Variants in PITPNM1 observed in about 807,000 individuals in gnomAD.
PITPNM1 encodes membrane-associated phosphatidylinositol transfer protein 1.
In PITPNM1, 74 loss-of-function variants were observed where a neutral mutation model predicts 133.3. The observed-to-expected ratio is 0.56, with a 90% confidence interval of 0.46 to 0.67. PITPNM1 has a LOEUF of 0.67. PITPNM1 is among the 30% of genes least tolerant of loss of function. The pLI is 0.00. For missense variants in PITPNM1, 1,398 were observed against 1,739.5 expected, an observed-to-expected ratio of 0.80 and a Z score of 3.49; for synonymous variants, 738 against 741.4, an observed-to-expected ratio of 1.00 and a Z score of 0.08.
chr11:67,492,688 A>T, intron 23 of PITPNM1, among the ~76,000 whole-genome samples: 1 of 152,242 alleles, frequency 6.6e-6, no homozygotes, highest in East Asian at 1.9e-4. Flanking sequence ...CACAGTGGAA[A>T]GCCATGGCCG....
Position 67,504,004 on chromosome 11 carries a change from C to T in PITPNM1, c.78+99G>A. On this transcript the variant is annotated intron_variant, in intron 2 of 23. Coordinates refer to ENST00000356404, the MANE Select transcript of PITPNM1 (RefSeq NM_004910.3). The surrounding 1 kb of genome is among the most constrained non-coding windows in gnomAD (Gnocchi z 5.4). ...ACATCTGAAGGGGGGCCTCTCTTGCCTCCTCCGGGCTCCCAGCCGGTCCCA... is the reference window on the plus strand; with the variant it reads ...ACATCTGAAGGGGGGCCTCTCTTGCTTCCTCCGGGCTCCCAGCCGGTCCCA... 1 of 862,674 alleles carries T rather than the reference C, an allele frequency of 1.2e-6. No individual in the cohort carries two copies. Among genetic ancestry groups the T allele is most frequent in the Non-Finnish European group, 1.8e-6 (1 of 568,828 alleles). 53.4% of individuals were successfully genotyped at this position (862,674 alleles called of 1,614,324 possible).
chr11:67,495,377 CGGAGGT>C (rs999776270), intron 16 of PITPNM1, 55 bp downstream of exon 16: 7 of 1,457,206 alleles, frequency 4.8e-6, no homozygotes, highest in Non-Finnish European at 1.8e-6. Context: ...AGCTGGGCTT[CGGAGGT>C]GGAATACGGG....
rs756082343 is a variant in PITPNM1 at position 67,493,905 on chromosome 11, C to T, written c.3008+17G>A. 2.0e-6 allele frequency: 3 copies of T among 1,531,698 alleles called. No individual in the cohort carries two copies. Among genetic ancestry groups the T allele is most frequent in the African/African-American group, 1.4e-5 (1 of 72,992 alleles). The allele number at this position is 1,531,698 out of a possible 1,614,324, so 94.9% of individuals were successfully genotyped here. ...CTGGCGGAGCCCTCCCGCAGAGGCC[C>T]GGCCAGCCGCGCTCACCTGACCACC... On this transcript the variant is annotated intron_variant, in intron 20 of 23. Transcript: ENST00000356404.
rs1399367432 is a variant in PITPNM1, at chr11:67,502,099, G to C, written c.416-13C>G. 1.2e-6 allele frequency: 2 copies of C among 1,607,238 alleles called. No homozygotes were observed. The highest frequency in any genetic ancestry group is 1.7e-6 in the Non-Finnish European group (2 of 1,176,236). On this transcript the variant is annotated splice_polypyrimidine_tract_variant and intron_variant, in intron 4 of 23. Transcript: ENST00000356404. The surrounding 1 kb of genome is among the most constrained non-coding windows in gnomAD (Gnocchi z 5.9). ...ATGTCGATGGTGTCTGAGGGAGTTC[G>C]GCAAGCATTGAGCAGCGCCAGCCCC...
intron 2 of PITPNM1, chr11:67,503,895 G>T (rs2134335639): frequency 2.0e-6 from 1 of 499,236 alleles, no homozygotes; most frequent in Non-Finnish European, 3.6e-6. Context: ...GATTACAGGA[G>T]ATCAGAGGAG....
intron 12 of PITPNM1, 80 bp from the exon 13 acceptor site, chr11:67,497,759 C>T: frequency 6.4e-7 from 1 of 1,571,016 alleles, no homozygotes; most frequent in Non-Finnish European, 8.7e-7. Flanking sequence ...AGGAGCGAGG[C>T]TTGGGGGTTG....
chr11:67,498,882 C>G lies in PITPNM1; in HGVS notation c.1234-36G>C. The G allele has an allele frequency of 1.2e-6, 2 of 1,610,020 alleles. No individual in the cohort carries two copies. The highest frequency in any genetic ancestry group is 1.7e-4 in the Middle Eastern group (1 of 6,046). On this transcript the variant is annotated intron_variant, in intron 9 of 23. Coordinates refer to ENST00000356404, the MANE Select transcript of PITPNM1 (RefSeq NM_004910.3). This position sits in a 1 kb window ranked among gnomAD's most constrained non-coding sequence, Gnocchi z 5.7. The stretch of plus-strand genomic sequence containing the variant: ...CAATGGGGTGCAGTGGGTGTCACAG[C>G]AGTGGCCGGGCCAGTGAGTAGGGGG...
Position 67,498,329 on chromosome 11 carries a change from G to C in PITPNM1, c.1485-7C>G, listed in dbSNP as rs370713668. 4.0e-5 allele frequency: 62 copies of C among 1,557,282 alleles called. No homozygotes were observed. Among genetic ancestry groups the C allele is most frequent in the Non-Finnish European group, 5.0e-5 (58 of 1,150,670 alleles). On this transcript the variant is annotated splice_region_variant and splice_polypyrimidine_tract_variant and intron_variant, in intron 10 of 23. Transcript: ENST00000356404. This position sits in a 1 kb window ranked among gnomAD's most constrained non-coding sequence, Gnocchi z 5.7. ...GTGGCTGTAAGGGCTCAGGCTGTAG[G>C]AGGGGGAAATGTGCGTGGGTGAGGG...
At chr11:67,499,182 G>T (rs111726095) in intron 8 of PITPNM1, among the ~76,000 whole-genome samples, 181 bp from the exon 9 acceptor site, 1,790 of 152,150 alleles carry the variant, frequency 0.012, 39 homozygotes, top group African/African-American at 0.039. Flanking sequence ...GCTCCTACTG[G>T]TCTTATTGCA....
In PITPNM1 at chr11:67,497,067, G is replaced by C. The variant is rs375447956; in HGVS notation, c.2146+164C>G. 311 of 571,676 alleles carry C rather than the reference G, an allele frequency of 5.4e-4. 4 individuals are homozygous for C. The South Asian group carries it at 8.7e-3, about 16-fold the overall frequency. The allele number at this position is 571,676 out of a possible 1,614,324, so 35.4% of individuals were successfully genotyped here. ...TGGCTTTGGGAGACTCACCCTTGGC[G>C]AGTCCCTTCTTTCTGGGCCTCAGGT... On this transcript the variant is annotated intron_variant, in intron 14 of 23. Transcript: ENST00000356404.
Position 67,497,217 on chromosome 11 carries a change from C to T in PITPNM1, c.2146+14G>A. ...ACAGAGACTAGAGGCGCCCCCGCAGCCCCTAGGACTCACCCTCCAGGGCGG... is the reference window on the plus strand; with the variant it reads ...ACAGAGACTAGAGGCGCCCCCGCAGTCCCTAGGACTCACCCTCCAGGGCGG... On this transcript the variant is annotated intron_variant, in intron 14 of 23. Transcript: ENST00000356404. 6.3e-7 allele frequency: 1 copy of T among 1,576,492 alleles called. No homozygotes were observed. Among genetic ancestry groups the T allele is most frequent in the East Asian group, 2.3e-5 (1 of 44,042 alleles).
chr11:67,494,101 G>C, intron 19 of PITPNM1, 31 bp from the exon 20 acceptor site: 3 of 1,598,248 alleles, frequency 1.9e-6, no homozygotes, highest in South Asian at 2.2e-5. Context: ...GAGGTAAATG[G>C]GGGCCCTGCG....
intron 15 of PITPNM1, 68 bp from the exon 16 acceptor site, chr11:67,495,670 C>T: frequency 7.1e-7 from 1 of 1,405,056 alleles, no homozygotes; most frequent in African/African-American, 1.5e-5. Flanking sequence ...ACCCAGGGCT[C>T]CCCGCACCTC....
In PITPNM1 at chr11:67,492,967, G is replaced by A. The variant is rs770782414; in HGVS notation, c.3438C>T (p.Gly1146=). The change falls in exon 23 of 24, where the codon GGC becomes GGT. Residue 1146 remains glycine, a synonymous_variant. Coordinates refer to ENST00000356404, the MANE Select transcript of PITPNM1 (RefSeq NM_004910.3). Reference sequence around the variant, plus strand: ...GCGCCTGTAGCTTCCGCACGGCACGGCCCACGATGTAGGTCTGGCTCGGGG... The same window carrying A: ...GCGCCTGTAGCTTCCGCACGGCACGACCCACGATGTAGGTCTGGCTCGGGG... The part of the protein sequence containing the change: ...GLSPSQTYIV[G]RAVRKLQAQC... The A allele has an allele frequency of 4.2e-5, 68 of 1,612,858 alleles. No homozygotes were observed. Among genetic ancestry groups the A allele is most frequent in the Non-Finnish European group, 5.8e-5 (68 of 1,179,926 alleles).
Position 67,498,527 on chromosome 11 carries a change from T to G in PITPNM1, c.1484+69A>C, listed in dbSNP as rs1866207047. ...CCAGGTGTCTGGCTTCCTGACCCCT[T>G]CCCCGCTCCCTGCCCCGCTCCCTGG... On this transcript the variant is annotated intron_variant, in intron 10 of 23. Coordinates refer to ENST00000356404, the MANE Select transcript of PITPNM1 (RefSeq NM_004910.3). The surrounding 1 kb of genome is among the most constrained non-coding windows in gnomAD (Gnocchi z 5.7). The G allele has an allele frequency of 6.4e-7, 1 of 1,555,358 alleles. No individual in the cohort carries two copies. The highest frequency in any genetic ancestry group is 2.3e-4 in the Middle Eastern group (1 of 4,348).
chr11:67,493,128 T>C, intron 22 of PITPNM1, 66 bp from the exon 23 acceptor site: 3 of 1,589,660 alleles, frequency 1.9e-6, no homozygotes, highest in Non-Finnish European at 2.6e-6. Context: ...CGGGGCCTGT[T>C]GGGCTTCCCC....
In PITPNM1 at chr11:67,500,156, A is replaced by T. The variant is rs768185566; in HGVS notation, c.906T>A (p.Asp302Glu). ...AGGACCACTGCTTCCCAAAGCTGGC[A>T]TCGGGGGAGGCATCTGGGCCTGGGG... ...EAPPGPDASPDASFGKQWSSS... is the reference protein window; with the variant it reads ...EAPPGPDASPEASFGKQWSSS... Residue 302 changes from aspartate (D) to glutamate (E), a missense_variant, in exon 6 of 24, where the codon GAT becomes GAA. Physicochemically the swap from Asp to Glu is conservative, Grantham distance 45. This residue lies in a region of PITPNM1 where 195 missense variants were observed against 178.8 expected (regional missense o/e 1.09). Transcript: ENST00000356404. 1.3e-6 allele frequency: 2 copies of T among 1,594,704 alleles called. No homozygotes were observed. Among genetic ancestry groups the T allele is most frequent in the South Asian group, 2.2e-5 (2 of 89,656 alleles).
At chr11:67,494,651 G>A (rs528910054) in intron 18 of PITPNM1, among the ~76,000 whole-genome samples, 195 bp downstream of exon 18, 97 of 152,146 alleles carry the variant, frequency 6.4e-4, no homozygotes, top group African/African-American at 2.3e-3. Flanking sequence ...CGCAGAGGGC[G>A]GGGAGACCAG....
Position 67,493,036 on chromosome 11 carries a change from A to C in PITPNM1, c.3369T>G (p.Tyr1123Ter). The change falls in exon 23 of 24, where the codon TAT becomes TAG. Residue 1123 changes from tyrosine (Y) to a stop codon, truncating the protein, a stop_gained. Transcript: ENST00000356404. LOFTEE classifies it high-confidence loss of function. ...QEVELNIVAG[Y>*]GSPKDVAVYA... ...ATACAGCCACATCTTTGGGAGACCC[A>C]TAACCGGCCACGATGTTCAGTTCTA... The C allele has an allele frequency of 6.2e-7, 1 of 1,613,092 alleles. No homozygotes were observed. The highest frequency in any genetic ancestry group is 1.3e-5 in the African/African-American group (1 of 75,074).
Sources: allele counts gnomAD v4.1 joint callset (sites outside exome capture counted in the v4.1 genomes callset), GRCh38; gene constraint gnomAD v4.1.1; regional missense constraint gnomAD v4.1.1; non-coding constraint Gnocchi (gnomAD v3.1); transcripts MANE v1.5; gene names NCBI Gene and HGNC (gene_info 2026-07-23, HGNC 2026-07-21).